The following CAB39 variants were observed in gnomAD, a reference collection of about 807,000 sequenced individuals.
The protein encoded by CAB39 is calcium-binding protein 39.
Under a neutral mutation model 40.0 loss-of-function variants are expected in CAB39, and 8 were observed. The ratio of observed to expected loss-of-function variants is 0.20; its 90% CI spans 0.12 to 0.36. The LOEUF (loss-of-function observed/expected upper bound fraction) is 0.36, where lower values mean the gene tolerates loss of function less well. Ranked by LOEUF, CAB39 falls within the 10% of genes least tolerant of loss-of-function variation. CAB39 has a pLI of 1.00. For missense variants in CAB39, 270 were observed against 401.1 expected (o/e 0.67, Z 2.79); for synonymous variants, 156 against 141.6 (o/e 1.10, Z -0.72).
At chr2:230,759,509 C>T (rs1397441033) in intron 1 of CAB39, among the ~76,000 whole-genome samples, 3 of 152,146 alleles carry the variant, frequency 2.0e-5, no homozygotes, top group Non-Finnish European at 4.4e-5. Context: ...CTTGTTTGAC[C>T]ACTTAGTACC....
chr2:230,743,087 A>G (rs903055109), intron 1 of CAB39, among the ~76,000 whole-genome samples: 9 of 152,180 alleles, frequency 5.9e-5, no homozygotes, highest in Non-Finnish European at 7.3e-5. Context: ...ATAGCTTTCT[A>G]AGGTGGGCAG....
chr2:230,749,353 T>G (rs1239738785), intron 1 of CAB39, among the ~76,000 whole-genome samples: 1 of 152,154 alleles, frequency 6.6e-6, no homozygotes, highest in East Asian at 1.9e-4. Context: ...ATCTTGGGTA[T>G]TTCCTACTCT....
chr2:230,791,081 T>C (rs949683276), intron 3 of CAB39, 45 bp downstream of exon 3: 2 of 1,380,888 alleles, frequency 1.4e-6, no homozygotes, highest in Admixed American at 2.2e-5. Flanking sequence ...ACCCTGTGCA[T>C]AATTCTTTTC....
chr2:230,744,610 T>C (rs1694941769), intron 1 of CAB39, among the ~76,000 whole-genome samples: 1 of 152,232 alleles, frequency 6.6e-6, no homozygotes, highest in African/African-American at 2.4e-5. Flanking sequence ...TATTTTGAAG[T>C]ATATTCTCTA....
intron 2 of CAB39, 100 bp downstream of exon 2, chr2:230,760,215 A>G: frequency 1.6e-6 from 1 of 644,418 alleles, no homozygotes; most frequent in East Asian, 2.9e-5. Context: ...TTTATTTTGG[A>G]TTTTAAAAAT....
At chr2:230,756,220 G>T (rs1040739707) in intron 1 of CAB39, among the ~76,000 whole-genome samples, 6 of 152,322 alleles carry the variant, frequency 3.9e-5, no homozygotes, top group Non-Finnish European at 8.8e-5. Context: ...ACATCATAGA[G>T]TGTACAGTAC....
intron 1 of CAB39, among the ~76,000 whole-genome samples, chr2:230,734,145 C>T (rs897014067): frequency 1.3e-5 from 2 of 152,128 alleles, no homozygotes; most frequent in African/African-American, 4.8e-5. Context: ...TCATTTTTTC[C>T]AACAAAACAG....
chr2:230,718,657 C>T (rs909027226), intron 1 of CAB39, among the ~76,000 whole-genome samples: 2 of 152,090 alleles, frequency 1.3e-5, no homozygotes, highest in African/African-American at 2.4e-5. Context: ...GATGTGCTGC[C>T]GTGTATCAGA....
chr2:230,755,656 TTATC>T (rs1160614660), intron 1 of CAB39, among the ~76,000 whole-genome samples: 2 of 152,248 alleles, frequency 1.3e-5, no homozygotes, highest in Non-Finnish European at 2.9e-5. Flanking sequence ...CCCCAGCTCT[TTATC>T]TTTGCTTTTA....
At chr2:230,728,605 A>G (rs1384075762) in intron 1 of CAB39, among the ~76,000 whole-genome samples, 2 of 152,134 alleles carry the variant, frequency 1.3e-5, no homozygotes, top group East Asian at 1.9e-4. Flanking sequence ...CCCTGCCCCA[A>G]TTTATCTTTT....
intron 1 of CAB39, among the ~76,000 whole-genome samples, chr2:230,744,482 C>T (rs1460641692): frequency 2.0e-5 from 3 of 151,988 alleles, no homozygotes; most frequent in South Asian, 2.1e-4. Context: ...TTAGTAAAGA[C>T]GGGGTTTCAC....
chr2:230,736,654 G>A (rs1475000250), intron 1 of CAB39, among the ~76,000 whole-genome samples: 3 of 152,150 alleles, frequency 2.0e-5, no homozygotes, highest in Admixed American at 1.3e-4. Context: ...TTATTAATGC[G>A]AGCTCTGGGT....
chr2:230,725,061 C>T (rs144276678), intron 1 of CAB39: 1 of 1,499,772 alleles, frequency 6.7e-7, no homozygotes, highest in East Asian at 2.3e-5. Flanking sequence ...CAATCTTTTC[C>T]TTCGTAGAGG....
chr2:230,735,021 C>CG (rs1694761562), intron 1 of CAB39, among the ~76,000 whole-genome samples: 1 of 152,140 alleles, frequency 6.6e-6, no homozygotes, highest in Admixed American at 6.5e-5. Context: ...CTTATCTCAT[C>CG]GGCTTGTTTT....
intron 1 of CAB39, among the ~76,000 whole-genome samples, chr2:230,715,553 G>A (rs557332891): frequency 2.6e-5 from 4 of 152,072 alleles, no homozygotes; most frequent in South Asian, 2.1e-4. Flanking sequence ...TCCCCACTTC[G>A]CTCCTGAAAA....
rs371350699 is a variant in CAB39, at chr2:230,819,743, G to A, written c.*1039G>A. ...CAATAAGCTGCGATACAGCCCTGGAGCTCAGTCAGCCACACCTTCCTGCAT... is the reference window on the plus strand; with the variant it reads ...CAATAAGCTGCGATACAGCCCTGGAACTCAGTCAGCCACACCTTCCTGCAT... On this transcript the variant is annotated 3_prime_UTR_variant, in exon 9 of 9. Coordinates refer to ENST00000258418, the MANE Select transcript of CAB39 (RefSeq NM_016289.4). 1.3e-5 allele frequency: 2 copies of A among 152,270 alleles called. No individual in the cohort carries two copies. The highest frequency in any genetic ancestry group is 2.4e-5 in the African/African-American group (1 of 41,456). 9.4% of individuals were successfully genotyped at this position (152,270 alleles called of 1,614,324 possible). A position where few individuals can be genotyped will look rare whatever the true frequency, so the allele number is the denominator to read the frequency against.
intron 1 of CAB39, among the ~76,000 whole-genome samples, chr2:230,723,406 C>T (rs1271121750): frequency 6.6e-6 from 1 of 151,984 alleles, no homozygotes; most frequent in East Asian, 1.9e-4. Context: ...TAAGGTTGAA[C>T]CTCCCCCAAA....
chr2:230,733,042 A>G (rs1402255123), intron 1 of CAB39, among the ~76,000 whole-genome samples: 2 of 152,168 alleles, frequency 1.3e-5, no homozygotes, highest in Non-Finnish European at 2.9e-5. Context: ...GTTGCACCCT[A>G]CTTTAAGTAG....
chr2:230,816,773 A>G (rs1382897275), intron 7 of CAB39, among the ~76,000 whole-genome samples: 1 of 152,218 alleles, frequency 6.6e-6, no homozygotes, highest in Non-Finnish European at 1.5e-5. Flanking sequence ...AGAGAGAGGC[A>G]CTGTTCCATT....
Sources: gnomAD v4.1 joint callset for allele counts (sites outside exome capture counted in the v4.1 genomes callset) on GRCh38, gnomAD v4.1.1 for gene constraint, MANE v1.5 for transcripts, NCBI Gene and HGNC (gene_info 2026-07-23, HGNC 2026-07-21) for gene names.